Variants in PPP1R12B observed in about 807,000 individuals in gnomAD.
PPP1R12B encodes the protein protein phosphatase 1 regulatory subunit 12B, also known as myosin phosphatase target subunit 2.
A neutral mutation model predicts 126.1 loss-of-function variants in PPP1R12B; 76 were observed. The ratio of observed to expected loss-of-function variants is 0.60; its 90% CI spans 0.50 to 0.73. The LOEUF (loss-of-function observed/expected upper bound fraction) is 0.73, where lower values mean the gene tolerates loss of function less well. PPP1R12B is among the 30% of genes least tolerant of loss of function. PPP1R12B has a pLI of 0.00. For missense variants in PPP1R12B, 1,052 were observed against 1,205.1 expected (o/e 0.87, Z 1.88); for synonymous variants, 356 against 434.7 (o/e 0.82, Z 2.25).
chr1:202,470,239 C>T (rs943890683), intron 13 of PPP1R12B, among the ~76,000 whole-genome samples: 4 of 152,198 alleles, frequency 2.6e-5, no homozygotes, highest in Non-Finnish European at 4.4e-5. Flanking sequence ...TCTCTGCCCC[C>T]TATGGCGGAC....
At chr1:202,484,088 A>G (rs1312439050) in intron 13 of PPP1R12B, among the ~76,000 whole-genome samples, 1 of 152,168 alleles carries the variant, frequency 6.6e-6, no homozygotes, top group Non-Finnish European at 1.5e-5. Flanking sequence ...TTAATTGGAT[A>G]ATTTAATCCA....
chr1:202,449,982 G>T (rs1406996612), intron 13 of PPP1R12B, among the ~76,000 whole-genome samples: 1 of 152,280 alleles, frequency 6.6e-6, no homozygotes, highest in Non-Finnish European at 1.5e-5. Context: ...CACCGCTCCC[G>T]GCTGTCGTTA....
chr1:202,393,988 G>A (rs1051476393), intron 1 of PPP1R12B, among the ~76,000 whole-genome samples: 1 of 152,192 alleles, frequency 6.6e-6, no homozygotes, highest in Non-Finnish European at 1.5e-5. Flanking sequence ...AATATTGTAA[G>A]TAGAAAGAAA....
rs375992469 is a variant in PPP1R12B, at chr1:202,562,820, C to T, written c.2550C>T (p.Tyr850=). 6.2e-6 allele frequency: 10 copies of T among 1,612,928 alleles called. No homozygotes were observed. The East Asian group carries it at 6.7e-5, about 11-fold the overall frequency. ...GGSNPTTSDS[Y]GDRASARARR... The stretch of plus-strand genomic sequence containing the variant: ...GTAATCCTACAACCAGTGATTCTTA[C>T]GGTGACCGGGCTTCAGCAAGAGCCC... The change falls in exon 20 of 24, where the codon TAC becomes TAT. Residue 850 remains tyrosine (Y), a synonymous_variant. Coordinates refer to ENST00000608999, the MANE Select transcript of PPP1R12B (RefSeq NM_002481.4).
chr1:202,451,059 T>A (rs1440930514), intron 13 of PPP1R12B, among the ~76,000 whole-genome samples: 3 of 152,068 alleles, frequency 2.0e-5, no homozygotes, highest in Non-Finnish European at 4.4e-5. Context: ...GTTTTCATTG[T>A]AAAGATCTTT....
At chr1:202,476,996 A>C (rs1160979944) in intron 13 of PPP1R12B, among the ~76,000 whole-genome samples, 1 of 152,140 alleles carries the variant, frequency 6.6e-6, no homozygotes, top group Non-Finnish European at 1.5e-5. Context: ...ATGAACCTTC[A>C]TGGAGAATAT....
intron 13 of PPP1R12B, among the ~76,000 whole-genome samples, chr1:202,457,752 G>T (rs1270755375): frequency 6.6e-6 from 1 of 152,096 alleles, no homozygotes; most frequent in Non-Finnish European, 1.5e-5. Context: ...GCCTACCAGA[G>T]GAGGTAACTG....
intron 18 of PPP1R12B, among the ~76,000 whole-genome samples, chr1:202,504,426 A>G (rs554883782): frequency 6.6e-6 from 1 of 152,286 alleles, no homozygotes; most frequent in South Asian, 2.1e-4. Context: ...AAAAACTTTT[A>G]TTAGAAATAA....
intron 10 of PPP1R12B, chr1:202,438,482 G>T: frequency 2.4e-6 from 1 of 414,094 alleles, no homozygotes. Flanking sequence ...GTGCTGGATG[G>T]GGTGGAGGAT....
chr1:202,499,041 G>A (rs916182423), intron 18 of PPP1R12B, among the ~76,000 whole-genome samples: 2 of 151,964 alleles, frequency 1.3e-5, no homozygotes, highest in Admixed American at 6.6e-5. Flanking sequence ...TTAATGCACA[G>A]ATTTTAAATA....
intron 1 of PPP1R12B, among the ~76,000 whole-genome samples, chr1:202,394,410 T>C (rs1664618553): frequency 6.6e-6 from 1 of 152,112 alleles, no homozygotes; most frequent in Admixed American, 6.5e-5. Context: ...ATTTTAATTT[T>C]TTTTCTCTTA....
intron 20 of PPP1R12B, among the ~76,000 whole-genome samples, chr1:202,563,340 T>C (rs1687718474): frequency 6.6e-6 from 1 of 152,080 alleles, no homozygotes; most frequent in Admixed American, 6.6e-5. Context: ...TGGTCTTGAA[T>C]TCCTGGCCAC....
chr1:202,504,895 C>T (rs983232176), intron 18 of PPP1R12B, among the ~76,000 whole-genome samples: 32 of 152,182 alleles, frequency 2.1e-4, no homozygotes, highest in South Asian at 2.1e-4. Context: ...TGAGCTAATA[C>T]ATTTAAATAG....
At chr1:202,436,078 C>G (rs991756993) in intron 9 of PPP1R12B, among the ~76,000 whole-genome samples, 90 of 151,932 alleles carry the variant, frequency 5.9e-4, no homozygotes, top group African/African-American at 2.0e-3. Context: ...TGGGCAACAT[C>G]GGAAAACCCC....
Position 202,590,015 on chromosome 1 carries a change from T to C in PPP1R12B, c.*9455T>C, listed in dbSNP as rs1690043680. On this transcript the variant is annotated 3_prime_UTR_variant, in exon 24 of 24. Coordinates refer to ENST00000608999, the MANE Select transcript of PPP1R12B (RefSeq NM_002481.4). ...GAAGGAGTTTTACTCTTCCCTGGTC[T>C]TTGGGGGCAATGCTGTCCCACTCTC... 1 of 152,206 alleles carries C rather than the reference T, an allele frequency of 6.6e-6. No individual in the cohort carries two copies. The highest frequency in any genetic ancestry group is 6.5e-5 in the Admixed American group (1 of 15,290). The allele number at this position is 152,206 out of a possible 1,614,324, so 9.4% of individuals were successfully genotyped here.
chr1:202,384,230 C>G (rs1261580490), intron 1 of PPP1R12B, among the ~76,000 whole-genome samples: 1 of 152,096 alleles, frequency 6.6e-6, no homozygotes, highest in East Asian at 1.9e-4. Context: ...AAACATATGC[C>G]CACATAACAA....
chr1:202,353,583 TCTTTG>T lies in PPP1R12B; in HGVS notation c.291+4442_291+4446del, dbSNP rs1214434563. Among the ~76,000 whole-genome samples, 249 of 126,866 alleles carry T rather than the reference TCTTTG, an allele frequency of 2.0e-3. 1 individual carries two copies. The highest frequency in any genetic ancestry group is 2.8e-3 in the Non-Finnish European group (173 of 61,552). 83.2% of individuals were successfully genotyped at this position (126,866 alleles called of 152,430 possible). A position where few individuals can be genotyped will look rare whatever the true frequency, so the allele number is the denominator to read the frequency against. On this transcript the variant is annotated intron_variant, in intron 1 of 23. Transcript: ENST00000608999. ...CGCAGAATTTCTTCCCTATTCTTCT[TCTTTG>T]TGTGTGTGTGTGTGTGTGTGTGTGT...
intron 1 of PPP1R12B, among the ~76,000 whole-genome samples, chr1:202,364,164 A>T (rs1351161494): frequency 6.6e-6 from 1 of 152,140 alleles, no homozygotes; most frequent in African/African-American, 2.4e-5. Flanking sequence ...TATTTATCAA[A>T]CTTCTGCTTG....
intron 7 of PPP1R12B, 53 bp downstream of exon 7, chr1:202,430,863 A>T (rs1488734582): frequency 6.4e-7 from 1 of 1,559,082 alleles, no homozygotes; most frequent in Non-Finnish European, 8.7e-7. Flanking sequence ...TGTCAGTGAC[A>T]TACTTAACTT....
Sources: gnomAD v4.1 joint callset for allele counts (sites outside exome capture counted in the v4.1 genomes callset) on GRCh38, gnomAD v4.1.1 for gene constraint, MANE v1.5 for transcripts, NCBI Gene and HGNC (gene_info 2026-07-23, HGNC 2026-07-21) for gene names.